Variants in DYM observed in about 807,000 individuals in gnomAD.
The protein encoded by DYM is dyggve-Melchior-Clausen syndrome protein.
Under a neutral mutation model 93.1 loss-of-function variants are expected in DYM, and 78 were observed. The ratio of observed to expected loss-of-function variants is 0.84; its 90% CI spans 0.70 to 1.01. The LOEUF (loss-of-function observed/expected upper bound fraction) is 1.01, where lower values mean the gene tolerates loss of function less well. Among genes scored for constraint, DYM ranks in the 50% least tolerant of loss-of-function variants. The pLI, the probability that DYM is intolerant of heterozygous loss-of-function variation, is 0.00. For missense variants in DYM, 789 were observed against 845.0 expected, an observed-to-expected ratio of 0.93 and a Z score of 0.82; for synonymous variants, 321 against 319.7, an observed-to-expected ratio of 1.00 and a Z score of -0.04.
intron 5 of DYM, among the ~76,000 whole-genome samples, chr18:49,366,872 T>G (rs1164585293): frequency 1.3e-5 from 2 of 152,078 alleles, no homozygotes; most frequent in Non-Finnish European, 2.9e-5. Flanking sequence ...ATTTTACAGA[T>G]GAAGACATCA....
intron 14 of DYM, among the ~76,000 whole-genome samples, chr18:49,190,099 T>C (rs1199458555): frequency 6.6e-6 from 1 of 152,226 alleles, no homozygotes; most frequent in Non-Finnish European, 1.5e-5. Context: ...TAACTGTCCA[T>C]TGTGTTTTAC....
chr18:49,289,713 ATATATATATATGTG>A, intron 8 of DYM, among the ~76,000 whole-genome samples: 1 of 47,354 alleles, frequency 2.1e-5, no homozygotes. Context: ...CCTATCTCAA[ATATATATATATGTG>A]TATATATATA....
intron 17 of DYM, among the ~76,000 whole-genome samples, chr18:49,061,950 A>G (rs1430172088): frequency 3.3e-5 from 5 of 152,154 alleles, no homozygotes; most frequent in East Asian, 1.9e-4. Context: ...CTCCATCCTA[A>G]TAAGTCTTTA....
At chr18:49,236,304 C>A (rs1028573098) in intron 13 of DYM, among the ~76,000 whole-genome samples, 4 of 151,960 alleles carry the variant, frequency 2.6e-5, no homozygotes, top group Non-Finnish European at 5.9e-5. Flanking sequence ...CACGGTGAAA[C>A]CCTGTCTCTA....
At chr18:49,057,969 G>A (rs571059022) in intron 17 of DYM, among the ~76,000 whole-genome samples, 1 of 152,362 alleles carries the variant, frequency 6.6e-6, no homozygotes, top group East Asian at 1.9e-4. Context: ...ATGTTGAGGT[G>A]GTGCAGGCAG....
intron 3 of DYM, among the ~76,000 whole-genome samples, chr18:49,387,573 A>T (rs918736026): frequency 6.6e-6 from 1 of 152,146 alleles, no homozygotes; most frequent in Non-Finnish European, 1.5e-5. Context: ...GCCTGGTCGA[A>T]TCCGTGATCT....
intron 16 of DYM, among the ~76,000 whole-genome samples, chr18:49,098,007 C>A (rs891087699): frequency 1.3e-5 from 2 of 152,032 alleles, no homozygotes; most frequent in African/African-American, 4.8e-5. Flanking sequence ...TTATCATGAT[C>A]ACCAGGGATA....
chr18:49,392,463 A>G (rs2069376010), intron 2 of DYM, among the ~76,000 whole-genome samples: 1 of 152,118 alleles, frequency 6.6e-6, no homozygotes, highest in African/African-American at 2.4e-5. Context: ...TAAGAGATTG[A>G]TATCCAGAAT....
intron 1 of DYM, among the ~76,000 whole-genome samples, chr18:49,443,352 T>C (rs2081829089): frequency 6.6e-6 from 1 of 152,146 alleles, no homozygotes; most frequent in African/African-American, 2.4e-5. Context: ...GGTGCCCTCA[T>C]CCCTTTATAC....
At chr18:49,122,968 A>G (rs1274093601) in intron 15 of DYM, among the ~76,000 whole-genome samples, 2 of 152,180 alleles carry the variant, frequency 1.3e-5, no homozygotes, top group Non-Finnish European at 2.9e-5. Flanking sequence ...CTGAGCTTTG[A>G]ATTTTAATGA....
chr18:49,053,215 G>A (rs1018294030), intron 17 of DYM, among the ~76,000 whole-genome samples: 29 of 152,188 alleles, frequency 1.9e-4, no homozygotes, highest in African/African-American at 6.8e-4. Flanking sequence ...GTTGAGACTT[G>A]GGTGCAACAA....
At chr18:49,162,735 C>T (rs752778405) in intron 15 of DYM, among the ~76,000 whole-genome samples, 1 of 152,142 alleles carries the variant, frequency 6.6e-6, no homozygotes. Context: ...GGAGTCACAC[C>T]CTGATGAGAG....
intron 17 of DYM, among the ~76,000 whole-genome samples, chr18:49,061,498 C>T (rs1599440484): frequency 6.6e-6 from 1 of 152,334 alleles, no homozygotes; most frequent in African/African-American, 2.4e-5. Flanking sequence ...TTTCTGCATA[C>T]AAAGTGGGGC....
intron 17 of DYM, among the ~76,000 whole-genome samples, chr18:49,070,970 A>C (rs1351581445): frequency 3.9e-5 from 6 of 152,174 alleles, no homozygotes; most frequent in African/African-American, 1.4e-4. Flanking sequence ...TTTTCTCTTC[A>C]ATAGGGACTG....
chr18:49,220,202 A>G (rs1454232054), intron 13 of DYM, among the ~76,000 whole-genome samples: 2,034 of 151,892 alleles, frequency 0.013, 43 homozygotes, highest in African/African-American at 0.046. Flanking sequence ...TACAAGGGAC[A>G]TGAAGGACCT....
At chr18:49,419,468 C>T (rs112716210) in intron 2 of DYM, among the ~76,000 whole-genome samples, 4 of 152,156 alleles carry the variant, frequency 2.6e-5, no homozygotes, top group African/African-American at 4.8e-5. Context: ...TGGCACAGGT[C>T]GACAAAAATG....
chr18:49,107,780 C>T (rs527952906), intron 16 of DYM, among the ~76,000 whole-genome samples: 46 of 152,214 alleles, frequency 3.0e-4, no homozygotes, highest in Non-Finnish European at 5.3e-4. Context: ...TTGTCTGAGA[C>T]GAGTACCCGG....
chr18:49,320,057 G>A (rs1220574449), intron 8 of DYM, among the ~76,000 whole-genome samples: 1 of 152,134 alleles, frequency 6.6e-6, no homozygotes, highest in Non-Finnish European at 1.5e-5. Flanking sequence ...TAAAGATAGG[G>A]AAAAGCTTGG....
Position 49,312,145 on chromosome 18 carries a change from G to A in DYM, c.763+19719C>T, listed in dbSNP as rs564227568. Among the ~76,000 whole-genome samples the A allele has an allele frequency of 5.3e-5, 8 of 152,238 alleles. 1 individual carries two copies. The South Asian group carries it at 1.7e-3, about 32-fold the overall frequency. ...ATAACTGAGGGTATATTGGGATTGG[G>A]GGACGTAAAGGATGAAATCAAGAAC... On this transcript the variant is annotated intron_variant, in intron 8 of 17. Transcript: ENST00000675505.
Sources: gnomAD v4.1 joint callset for allele counts (sites outside exome capture counted in the v4.1 genomes callset) on GRCh38, gnomAD v4.1.1 for gene constraint, MANE v1.5 for transcripts, NCBI Gene and HGNC (gene_info 2026-07-23, HGNC 2026-07-21) for gene names.